Variants in SGK3 observed in about 807,000 individuals in gnomAD.
SGK3 encodes the protein serine/threonine-protein kinase Sgk3.
A neutral mutation model predicts 68.5 loss-of-function variants in SGK3; 47 were observed. That is an observed-to-expected ratio of 0.69 (90% CI 0.54 to 0.87). The LOEUF (loss-of-function observed/expected upper bound fraction) is 0.87, where lower values mean the gene tolerates loss of function less well. Ranked by LOEUF, SGK3 falls within the 40% of genes least tolerant of loss-of-function variation. SGK3 has a pLI of 0.00. For synonymous variants in SGK3, 181 were observed against 189.1 expected (o/e 0.96, Z 0.35); for missense variants, 479 against 575.5 (o/e 0.83, Z 1.72).
intron 1 of SGK3, among the ~76,000 whole-genome samples, chr8:66,772,664 C>G (rs1392543378): frequency 1.3e-5 from 2 of 151,682 alleles, no homozygotes; most frequent in African/African-American, 4.8e-5. Flanking sequence ...GGGTTCACGC[C>G]ATTCTCCTGC....
At chr8:66,786,068 A>G (rs1455426082) in intron 1 of SGK3, among the ~76,000 whole-genome samples, 1 of 151,864 alleles carries the variant, frequency 6.6e-6, no homozygotes, top group Non-Finnish European at 1.5e-5. Context: ...TCCCCTTCTT[A>G]CTCTGTTTTA....
chr8:66,821,546 T>C (rs1324546512), intron 5 of SGK3, among the ~76,000 whole-genome samples: 2 of 151,686 alleles, frequency 1.3e-5, no homozygotes, highest in African/African-American at 4.8e-5. Context: ...AGAGTCTCGC[T>C]CTGTCACCCA....
chr8:66,713,660 C>CT (rs1376371700), intron 1 of SGK3, among the ~76,000 whole-genome samples: 2 of 152,152 alleles, frequency 1.3e-5, no homozygotes, highest in Non-Finnish European at 2.9e-5. Context: ...TGGGAGGTGC[C>CT]TTTTTTTATT....
Position 66,802,723 on chromosome 8 carries a change from G to A in SGK3, c.181-1652G>A, listed in dbSNP as rs548436902. ...GGATGGGGAGGGAAGGGGAGGGGGC[G>A]AAGGAAGGAAGGAAGGCAGGTAGGA... On this transcript the variant is annotated intron_variant, in intron 3 of 16. Transcript: ENST00000521198. 9.3e-5 allele frequency among the ~76,000 whole-genome samples: 14 copies of A among 151,078 alleles called. No homozygotes were observed. In the South Asian group the frequency reaches 1.0e-3, roughly 11 times the overall value.
chr8:66,761,481 T>C (rs931488601), intron 1 of SGK3, among the ~76,000 whole-genome samples: 1 of 152,162 alleles, frequency 6.6e-6, no homozygotes, highest in African/African-American at 2.4e-5. Context: ...TGTGTTATTA[T>C]AAAAATAGTT....
chr8:66,848,342 T>C (rs1211490915), intron 15 of SGK3, among the ~76,000 whole-genome samples: 1 of 152,202 alleles, frequency 6.6e-6, no homozygotes, highest in Non-Finnish European at 1.5e-5. Flanking sequence ...TCGTCTGTGC[T>C]TCCCCACTGT....
intron 1 of SGK3, among the ~76,000 whole-genome samples, chr8:66,717,070 T>C (rs1441335724): frequency 6.6e-6 from 1 of 150,562 alleles, no homozygotes; most frequent in Non-Finnish European, 1.5e-5. Flanking sequence ...CTGGGCATGG[T>C]GGTGCATGCC....
At position 66,859,853 on chromosome 8, in the gene SGK3, A is replaced by C. The variant is rs1810686651; in HGVS notation, c.*272A>C. On this transcript the variant is annotated 3_prime_UTR_variant, in exon 17 of 17. Coordinates refer to ENST00000521198, the MANE Select transcript of SGK3 (RefSeq NM_001033578.3). ...TTAGCATTAACCTATTTTTAAAGAA[A>C]CCTTTTTTGCTATTGACTGTTTTTT... is the stretch of plus-strand genomic sequence containing the variant. 3.7e-6 allele frequency: 1 copy of C among 270,120 alleles called. No homozygotes were observed. The highest frequency in any genetic ancestry group is 5.0e-5 in the Admixed American group (1 of 19,996). 16.7% of individuals were successfully genotyped at this position (270,120 alleles called of 1,614,324 possible).
intron 1 of SGK3, among the ~76,000 whole-genome samples, chr8:66,789,549 C>T (rs2130558603): frequency 6.6e-6 from 1 of 152,114 alleles, no homozygotes; most frequent in East Asian, 1.9e-4. Flanking sequence ...CCTATTGGAC[C>T]CACTGTGAGA....
At chr8:66,849,092 C>T (rs1041369999) in intron 15 of SGK3, among the ~76,000 whole-genome samples, 1 of 152,174 alleles carries the variant, frequency 6.6e-6, no homozygotes, top group Non-Finnish European at 1.5e-5. Flanking sequence ...GCCCTGTCGT[C>T]CTAAACCCTC....
Position 66,861,694 on chromosome 8 carries a change from T to TG in SGK3, c.*2118dup, listed in dbSNP as rs958858824. The TG allele has an allele frequency of 6.6e-6, 1 of 152,122 alleles. No homozygotes were observed. Among genetic ancestry groups the TG allele is most frequent in the Non-Finnish European group, 1.5e-5 (1 of 68,022 alleles). 9.4% of individuals were successfully genotyped at this position (152,122 alleles called of 1,614,324 possible). A position where few individuals can be genotyped will look rare whatever the true frequency, so the allele number is the denominator to read the frequency against. ...TAAAATGTTCAGCAGAATTGGGCAG[T>TG]GGGGGTGACTTTTCTTATATTAATA... On this transcript the variant is annotated 3_prime_UTR_variant, in exon 17 of 17. Transcript: ENST00000521198.
In SGK3 at chr8:66,724,785, G is replaced by A. The variant is rs141542266; in HGVS notation, c.-122+11952G>A. The stretch of plus-strand genomic sequence containing the variant: ...AAGATTATGTTTTGCTTGACTACAT[G>A]TAAAGGGACTCTGGAAGGACACATA... On this transcript the variant is annotated intron_variant, in intron 1 of 16. Transcript: ENST00000521198. 2.2e-3 allele frequency among the ~76,000 whole-genome samples: 333 copies of A among 152,264 alleles called. 2 individuals are homozygous for A. The highest frequency in any genetic ancestry group is 3.5e-3 in the Admixed American group (54 of 15,298).
chr8:66,835,869 C>CGCT (rs749838049), intron 9 of SGK3, 23 bp downstream of exon 9: 1 of 1,609,278 alleles, frequency 6.2e-7, no homozygotes, highest in African/African-American at 1.3e-5. Context: ...AGTTGTTTCT[C>CGCT]TCAAGCCCAT....
chr8:66,832,156 A>G (rs1157459211), intron 8 of SGK3, among the ~76,000 whole-genome samples: 1 of 152,218 alleles, frequency 6.6e-6, no homozygotes, highest in Non-Finnish European at 1.5e-5. Context: ...ACGAATGTGT[A>G]AAGACCCTGC....
At chr8:66,740,826 G>A (rs887357450) in intron 1 of SGK3, among the ~76,000 whole-genome samples, 1 of 147,630 alleles carries the variant, frequency 6.8e-6, no homozygotes, top group African/African-American at 2.5e-5. Context: ...AGAATCACTC[G>A]AACCTGGGAG....
intron 1 of SGK3, among the ~76,000 whole-genome samples, chr8:66,769,470 C>T (rs897489551): frequency 7.9e-5 from 12 of 152,198 alleles, no homozygotes; most frequent in Admixed American, 2.0e-4. Flanking sequence ...ATGATCCACT[C>T]GCCTCAGCCT....
chr8:66,822,310 A>G lies in SGK3; in HGVS notation c.330-62A>G, dbSNP rs79422625. 1,315 of 1,449,718 alleles carry G rather than the reference A, an allele frequency of 9.1e-4. 6 individuals are homozygous for G. In the East Asian group the frequency reaches 0.019, roughly 21 times the overall value. The allele number at this position is 1,449,718 out of a possible 1,614,324, so 89.8% of individuals were successfully genotyped here. On this transcript the variant is annotated intron_variant, in intron 5 of 16. Coordinates refer to ENST00000521198, the MANE Select transcript of SGK3 (RefSeq NM_001033578.3). ...TTATTTCTATTTTGATTTTCATTTT[A>G]AAAGGGAGAAAGGCTGTAGAAATGC...
At chr8:66,750,431 G>A (rs1053911845) in intron 1 of SGK3, among the ~76,000 whole-genome samples, 1 of 151,968 alleles carries the variant, frequency 6.6e-6, no homozygotes, top group African/African-American at 2.4e-5. Context: ...ATCCAATCCT[G>A]CCCTCAAAGA....
At chr8:66,827,386 CAAAAAAA>C (rs757439616) in intron 6 of SGK3, among the ~76,000 whole-genome samples, 3 of 52,338 alleles carry the variant, frequency 5.7e-5, no homozygotes, top group East Asian at 6.3e-4. Flanking sequence ...AACTCTATCT[CAAAAAAA>C]AAAAAAAAAA....
Sources: allele counts gnomAD v4.1 joint callset (sites outside exome capture counted in the v4.1 genomes callset), GRCh38; gene constraint gnomAD v4.1.1; transcripts MANE v1.5; gene names NCBI Gene and HGNC (gene_info 2026-07-23, HGNC 2026-07-21).